The following WNT3 variants were observed in gnomAD, a reference collection of about 807,000 sequenced individuals.
WNT3 encodes proto-oncogene Wnt-3.
Under a neutral mutation model 34.2 loss-of-function variants are expected in WNT3, and 7 were observed. The ratio of observed to expected loss-of-function variants is 0.20; its 90% CI spans 0.12 to 0.38. WNT3 has a LOEUF of 0.38. Ranked by LOEUF, WNT3 falls within the 10% of genes least tolerant of loss-of-function variation. The pLI is 1.00. For missense variants in WNT3, 267 were observed against 499.8 expected (o/e 0.53, Z 4.44); for synonymous variants, 212 against 211.5 (o/e 1.00, Z -0.02).
rs1001774946 is a variant in WNT3 at position 46,794,397 on chromosome 17, C to T, written c.81-20488G>A. 1.1e-4 allele frequency among the ~76,000 whole-genome samples: 16 copies of T among 152,214 alleles called. No homozygotes were observed. In the South Asian group the frequency reaches 1.2e-3, roughly 12 times the overall value. ...GGCCCTATATGCAGGCTGGATCCCC[C>T]GACAGGACCTGTCAGAGCTAGAAGG... On this transcript the variant is annotated intron_variant, in intron 1 of 4. Coordinates refer to ENST00000225512, the MANE Select transcript of WNT3 (RefSeq NM_030753.5).
chr17:46,793,158 C>T (rs2084008804), intron 1 of WNT3, among the ~76,000 whole-genome samples: 1 of 150,266 alleles, frequency 6.7e-6, no homozygotes, highest in African/African-American at 2.4e-5. Context: ...CCTGTAGTCC[C>T]AGCTACTTGA....
rs151309556 is a variant in WNT3 at position 46,814,507 on chromosome 17, C to G, written c.80+4011G>C. Reference sequence around the variant, plus strand: ...GGACTAATTTCCCCGCCATATCCCCCCCAGGGAAAGGTCTGCCCTGGAAGG... The same window carrying G: ...GGACTAATTTCCCCGCCATATCCCCGCCAGGGAAAGGTCTGCCCTGGAAGG... On this transcript the variant is annotated intron_variant, in intron 1 of 4. Coordinates refer to ENST00000225512, the MANE Select transcript of WNT3 (RefSeq NM_030753.5). Among the ~76,000 whole-genome samples, 14 of 152,312 alleles carry G rather than the reference C, an allele frequency of 9.2e-5. 1 individual carries two copies. The South Asian group carries it at 1.5e-3, about 16-fold the overall frequency.
intron 1 of WNT3, among the ~76,000 whole-genome samples, chr17:46,795,887 C>T (rs1259699389): frequency 2.6e-5 from 4 of 152,234 alleles, no homozygotes; most frequent in Non-Finnish European, 4.4e-5. Flanking sequence ...CTCTCACACA[C>T]ACACACATGC....
chr17:46,779,053 T>TCTCACACACA (rs1310974235), intron 1 of WNT3, among the ~76,000 whole-genome samples: 24 of 100,668 alleles, frequency 2.4e-4, no homozygotes, highest in South Asian at 8.0e-4. Context: ...CCCTACCCCA[T>TCTCACACACA]CACACACACA....
At chr17:46,791,111 T>A (rs890771405) in intron 1 of WNT3, among the ~76,000 whole-genome samples, 6 of 152,128 alleles carry the variant, frequency 3.9e-5, no homozygotes, top group Admixed American at 2.6e-4. Context: ...ACTCTTTGGC[T>A]TCAAGGCAGC....
intron 1 of WNT3, among the ~76,000 whole-genome samples, chr17:46,801,601 C>G (rs939390866): frequency 7.6e-6 from 1 of 131,468 alleles, no homozygotes; most frequent in African/African-American, 2.9e-5. Flanking sequence ...CTCTGGGCAA[C>G]AGAGCGAGAC....
rs185661065 is a variant in WNT3 at position 46,765,697 on chromosome 17, G to C, written c.*9-1076C>G. Among the ~76,000 whole-genome samples the C allele has an allele frequency of 3.0e-3, 463 of 152,356 alleles. 3 individuals are homozygous for C. Among genetic ancestry groups the C allele is most frequent in the African/African-American group, 8.6e-3 (359 of 41,588 alleles). Reference sequence around the variant, plus strand: ...TGGGCCCATTGCTCCAGAGCAGGCGGCTCTCGCCTGGGGAGGTGGCTCTGG... The same window carrying C: ...TGGGCCCATTGCTCCAGAGCAGGCGCCTCTCGCCTGGGGAGGTGGCTCTGG... On this transcript the variant is annotated intron_variant, in intron 4 of 4. Coordinates refer to ENST00000225512, the MANE Select transcript of WNT3 (RefSeq NM_030753.5).
At chr17:46,782,713 G>A (rs915851983) in intron 1 of WNT3, among the ~76,000 whole-genome samples, 1 of 152,204 alleles carries the variant, frequency 6.6e-6, no homozygotes, top group Non-Finnish European at 1.5e-5. Context: ...TAGTGACGAG[G>A]CAATCACTGC....
intron 1 of WNT3, among the ~76,000 whole-genome samples, chr17:46,791,769 G>A (rs1031461387): frequency 2.6e-5 from 4 of 152,236 alleles, no homozygotes; most frequent in Non-Finnish European, 5.9e-5. Flanking sequence ...CTCTGGCATG[G>A]TGGCGCATGC....
intron 1 of WNT3, among the ~76,000 whole-genome samples, chr17:46,776,524 G>A (rs1392869806): frequency 6.6e-6 from 1 of 152,154 alleles, no homozygotes; most frequent in Non-Finnish European, 1.5e-5. Context: ...TGAGGCCAGG[G>A]AGCTAAGTAC....
chr17:46,785,731 G>A (rs8073428), intron 1 of WNT3, among the ~76,000 whole-genome samples: 138,834 of 152,214 alleles, frequency 0.91, 64,349 homozygotes, highest in East Asian at 1. Flanking sequence ...GTGCGGGCAG[G>A]AGCTCAAAGC....
chr17:46,776,535 C>G (rs2059413661), intron 1 of WNT3, among the ~76,000 whole-genome samples: 4 of 152,184 alleles, frequency 2.6e-5, no homozygotes, highest in African/African-American at 9.7e-5. Flanking sequence ...AGCTAAGTAC[C>G]CTGCCCTGTC....
intron 1 of WNT3, among the ~76,000 whole-genome samples, chr17:46,779,055 A>ACACACT (rs2059435877): frequency 1.3e-5 from 1 of 76,660 alleles, no homozygotes; most frequent in Non-Finnish European, 3.1e-5. Context: ...CTACCCCATC[A>ACACACT]CACACACACA....
intron 1 of WNT3, among the ~76,000 whole-genome samples, chr17:46,792,440 G>C (rs1430838532): frequency 6.6e-6 from 1 of 152,190 alleles, no homozygotes; most frequent in East Asian, 1.9e-4. Context: ...AAGTAAGGTA[G>C]TAAGGAGCCT....
intron 1 of WNT3, among the ~76,000 whole-genome samples, chr17:46,792,185 T>A (rs575741752): frequency 4.6e-5 from 7 of 152,318 alleles, no homozygotes; most frequent in Admixed American, 3.9e-4. Flanking sequence ...CCAGTTAAGG[T>A]TCCCCCAGGA....
intron 1 of WNT3, among the ~76,000 whole-genome samples, chr17:46,790,322 G>A (rs2083966700): frequency 6.6e-6 from 1 of 152,130 alleles, no homozygotes; most frequent in South Asian, 2.1e-4. Flanking sequence ...TCAGCAGGGT[G>A]GGCCATTGGT....
chr17:46,777,537 C>T (rs2059422282), intron 1 of WNT3, among the ~76,000 whole-genome samples: 1 of 152,382 alleles, frequency 6.6e-6, no homozygotes, highest in South Asian at 2.1e-4. Context: ...GCCACTGAGC[C>T]CTTCCTGCTG....
chr17:46,786,941 C>CTTT (rs566280448), intron 1 of WNT3, among the ~76,000 whole-genome samples: 1,951 of 142,656 alleles, frequency 0.014, 37 homozygotes, highest in Middle Eastern at 0.044. Context: ...TTTCTTTTTT[C>CTTT]TTTTTTTTTT....
chr17:46,783,094 G>A (rs2146404861), intron 1 of WNT3, among the ~76,000 whole-genome samples: 1 of 152,310 alleles, frequency 6.6e-6, no homozygotes, highest in Non-Finnish European at 1.5e-5. Flanking sequence ...TCTCTCAACG[G>A]GGCCCTCTGG....
Sources: allele counts gnomAD v4.1 joint callset (sites outside exome capture counted in the v4.1 genomes callset), GRCh38; gene constraint gnomAD v4.1.1; transcripts MANE v1.5; gene names NCBI Gene and HGNC (gene_info 2026-07-23, HGNC 2026-07-21).